The following DNAAF4 variants were observed in gnomAD, a reference collection of about 807,000 sequenced individuals.
The protein encoded by DNAAF4 is dynein axonemal assembly factor 4.
Under a neutral mutation model 51.8 loss-of-function variants are expected in DNAAF4, and 43 were observed. The ratio of observed to expected loss-of-function variants is 0.83; its 90% CI spans 0.65 to 1.07. The LOEUF (loss-of-function observed/expected upper bound fraction) is 1.07, where lower values mean the gene tolerates loss of function less well. DNAAF4 is among the 50% of genes least tolerant of loss of function. The pLI is 0.00. For missense variants in DNAAF4, 581 were observed against 493.0 expected (o/e 1.18, Z -1.69); for synonymous variants, 194 against 165.6 (o/e 1.17, Z -1.32).
intron 4 of DNAAF4, among the ~76,000 whole-genome samples, chr15:55,473,295 G>C (rs192920985): frequency 7.8e-6 from 1 of 128,912 alleles, no homozygotes; most frequent in Non-Finnish European, 1.6e-5. Flanking sequence ...GTATATATAT[G>C]TGTATATATA....
chr15:55,483,833 C>CTTTTTTTTTTTT (rs71105887), intron 4 of DNAAF4, among the ~76,000 whole-genome samples: 2 of 82,490 alleles, frequency 2.4e-5, no homozygotes, highest in Admixed American at 1.6e-4. Context: ...GCCAATAAAG[C>CTTTTTTTTTTTT]TTTTTTTTTT....
At chr15:55,455,783 T>C (rs1027323983) in intron 5 of DNAAF4, among the ~76,000 whole-genome samples, 5 of 152,122 alleles carry the variant, frequency 3.3e-5, no homozygotes, top group Admixed American at 2.6e-4. Flanking sequence ...TGTAAAGACA[T>C]ATGACCTGGT....
At chr15:55,500,634 A>C (rs994061560) in intron 1 of DNAAF4, among the ~76,000 whole-genome samples, 1 of 152,180 alleles carries the variant, frequency 6.6e-6, no homozygotes, top group Non-Finnish European at 1.5e-5. Context: ...TCTGCAGTGA[A>C]ATTATTCTCC....
chr15:55,456,648 C>A (rs934723589), intron 5 of DNAAF4, among the ~76,000 whole-genome samples: 2 of 152,110 alleles, frequency 1.3e-5, no homozygotes, highest in African/African-American at 4.8e-5. Context: ...AGAAGTGGTT[C>A]GCTGCTGCAA....
intron 4 of DNAAF4, 190 bp downstream of exon 4, chr15:55,490,933 G>A (rs1251023470): frequency 9.2e-6 from 5 of 543,638 alleles, no homozygotes; most frequent in East Asian, 6.7e-5. Flanking sequence ...CAGCCTGGGC[G>A]ACAGAGTGAG....
At chr15:55,451,632 T>TG (rs398027381) in intron 5 of DNAAF4, among the ~76,000 whole-genome samples, 4 of 150,914 alleles carry the variant, frequency 2.7e-5, no homozygotes, top group Non-Finnish European at 5.9e-5. Flanking sequence ...TTTTTTTTTT[T>TG]GAGACAGGGT....
At chr15:55,473,219 ATATGTGTGTGTG>A (rs1490371626) in intron 4 of DNAAF4, among the ~76,000 whole-genome samples, 38 of 113,440 alleles carry the variant, frequency 3.3e-4, no homozygotes, top group East Asian at 1.4e-3. Context: ...ATATATATAT[ATATGTGTGTGTG>A]TATATATATA....
intron 3 of DNAAF4, 28 bp downstream of exon 3, chr15:55,497,684 G>A (rs910743482): frequency 3.1e-6 from 5 of 1,588,278 alleles, no homozygotes; most frequent in Non-Finnish European, 4.3e-6. Flanking sequence ...GGTACAACCA[G>A]ATGAACATCT....
chr15:55,473,361 G>A (rs2058293928), intron 4 of DNAAF4, among the ~76,000 whole-genome samples: 1 of 132,328 alleles, frequency 7.6e-6, no homozygotes, highest in Non-Finnish European at 1.6e-5. Context: ...GTATATATAT[G>A]TGTGTGTGTA....
intron 5 of DNAAF4, among the ~76,000 whole-genome samples, chr15:55,463,176 A>T (rs1157509156): frequency 7.7e-6 from 1 of 129,934 alleles, no homozygotes; most frequent in African/African-American, 3.2e-5. Context: ...TCTGTCTCAC[A>T]CACACACACA....
At chr15:55,437,976 A>G (rs1185604078) in intron 7 of DNAAF4, among the ~76,000 whole-genome samples, 2 of 152,240 alleles carry the variant, frequency 1.3e-5, no homozygotes, top group East Asian at 1.9e-4. Context: ...ACAGAAGTGT[A>G]TATGATGAAA....
chr15:55,501,323 A>T (rs1027154470), intron 1 of DNAAF4, among the ~76,000 whole-genome samples: 3 of 150,628 alleles, frequency 2.0e-5, no homozygotes, highest in Non-Finnish European at 4.4e-5. Context: ...CGGCCTCCCA[A>T]AGTGCTGGGA....
At position 55,498,457 on chromosome 15, in the gene DNAAF4, G is replaced by T; in HGVS notation, c.-128C>A. 1.4e-6 allele frequency: 2 copies of T among 1,407,112 alleles called. No individual in the cohort carries two copies. The highest frequency in any genetic ancestry group is 1.9e-6 in the Non-Finnish European group (2 of 1,064,772). 87.2% of individuals were successfully genotyped at this position (1,407,112 alleles called of 1,614,324 possible). On this transcript the variant is annotated 5_prime_UTR_variant, in exon 2 of 10. Coordinates refer to ENST00000321149, the MANE Select transcript of DNAAF4 (RefSeq NM_130810.4). ...CGGCCGGGAGCCCGGCGTTCCCAGC[G>T]TGCTCCGGCGCCAGCACCTCGCGGA...
chr15:55,428,208 T>C (rs924238460), downstream of DNAAF4, among the ~76,000 whole-genome samples: 1 of 151,272 alleles, frequency 6.6e-6, no homozygotes, highest in Non-Finnish European at 1.5e-5. Flanking sequence ...CCTGCCTCAG[T>C]GTCCCAAAGT....
chr15:55,432,140 A>G (rs1194884310), intron 9 of DNAAF4, among the ~76,000 whole-genome samples: 1 of 151,354 alleles, frequency 6.6e-6, no homozygotes, highest in African/African-American at 2.4e-5. Context: ...TTTTTAGTAG[A>G]GGGTTTCTCC....
chr15:55,478,792 A>G (rs1380461978), intron 4 of DNAAF4, among the ~76,000 whole-genome samples: 1 of 152,196 alleles, frequency 6.6e-6, no homozygotes. Flanking sequence ...CTGGAGTTGC[A>G]TCCCCTCAAA....
intron 4 of DNAAF4, among the ~76,000 whole-genome samples, chr15:55,490,012 T>C (rs538890196): frequency 6.6e-6 from 1 of 151,956 alleles, no homozygotes; most frequent in East Asian, 2.0e-4. Context: ...TAGCTGGGAT[T>C]ACAGGTGCCC....
intron 6 of DNAAF4, among the ~76,000 whole-genome samples, chr15:55,448,475 G>C (rs1021253072): frequency 4.4e-4 from 64 of 145,252 alleles, no homozygotes; most frequent in African/African-American, 1.5e-3. Flanking sequence ...ACTCCAGCCT[G>C]GGCAGCAGAG....
At chr15:55,429,354 TA>T (rs1271248938), downstream of DNAAF4, among the ~76,000 whole-genome samples, 4 of 150,892 alleles carry the variant, frequency 2.7e-5, no homozygotes, top group African/African-American at 4.9e-5. Context: ...ACCCTGTCTT[TA>T]CTAAAAATAC....
Sources: allele counts gnomAD v4.1 joint callset (sites outside exome capture counted in the v4.1 genomes callset), GRCh38; gene constraint gnomAD v4.1.1; transcripts MANE v1.5; gene names NCBI Gene and HGNC (gene_info 2026-07-23, HGNC 2026-07-21).